Variants in SRBD1 observed in about 807,000 individuals in gnomAD.
SRBD1 encodes S1 RNA-binding domain-containing protein 1.
A neutral mutation model predicts 115.3 loss-of-function variants in SRBD1; 88 were observed. The observed-to-expected ratio is 0.76, with a 90% CI of 0.64 to 0.91. The LOEUF (loss-of-function observed/expected upper bound fraction) is 0.91, where lower values mean the gene tolerates loss of function less well. SRBD1 is among the 40% of genes least tolerant of loss of function. The pLI, the probability that SRBD1 is intolerant of heterozygous loss-of-function variation, is 0.00. For missense variants in SRBD1, 1,385 were observed against 1,177.4 expected (o/e 1.18, Z -2.58); for synonymous variants, 509 against 407.7 (o/e 1.25, Z -2.99).
At chr2:45,567,410 G>C (rs1280593223) in intron 9 of SRBD1, among the ~76,000 whole-genome samples, 1 of 152,072 alleles carries the variant, frequency 6.6e-6, no homozygotes, top group Non-Finnish European at 1.5e-5. Flanking sequence ...AGGAGTTCAA[G>C]ATGAGCCTGG....
chr2:45,391,759 A>G (rs1425343440), intron 20 of SRBD1, among the ~76,000 whole-genome samples: 1 of 152,174 alleles, frequency 6.6e-6, no homozygotes, highest in Non-Finnish European at 1.5e-5. Flanking sequence ...TTGAGTGTTG[A>G]TCTTTGCTCT....
At chr2:45,453,055 C>T (rs979853035) in intron 16 of SRBD1, among the ~76,000 whole-genome samples, 3 of 151,792 alleles carry the variant, frequency 2.0e-5, no homozygotes, top group African/African-American at 4.8e-5. Context: ...AGGATTAAAA[C>T]CTCACCGAAT....
Position 45,454,281 on chromosome 2 carries a change from C to G in SRBD1, c.2049+22712G>C, listed in dbSNP as rs187548288. On this transcript the variant is annotated intron_variant, in intron 16 of 20. Coordinates refer to ENST00000263736, the MANE Select transcript of SRBD1 (RefSeq NM_018079.5). ...TGAGATAATGACTGGGAGCATGATTCACTTTGAAAGACCTGGGAGAGTTTT... is the reference window on the plus strand; with the variant it reads ...TGAGATAATGACTGGGAGCATGATTGACTTTGAAAGACCTGGGAGAGTTTT... 4.8e-3 allele frequency among the ~76,000 whole-genome samples: 735 copies of G among 151,930 alleles called. 10 individuals carry two copies. Among genetic ancestry groups the G allele is most frequent in the African/African-American group, 0.017 (689 of 41,490 alleles).
chr2:45,456,584 A>G (rs139690538), intron 16 of SRBD1, among the ~76,000 whole-genome samples: 55 of 152,068 alleles, frequency 3.6e-4, no homozygotes, highest in African/African-American at 1.2e-3. Context: ...GTAAAGTTTG[A>G]GTATAATTTT....
At chr2:45,551,087 C>T in intron 12 of SRBD1, 38 bp downstream of exon 12, 1 of 1,558,810 alleles carries the variant, frequency 6.4e-7, no homozygotes. Flanking sequence ...TATAACCAAC[C>T]AAACAACTTT....
At chr2:45,491,311 A>T (rs1670285556) in intron 14 of SRBD1, among the ~76,000 whole-genome samples, 1 of 152,194 alleles carries the variant, frequency 6.6e-6, no homozygotes, top group Non-Finnish European at 1.5e-5. Context: ...ATATCTAACG[A>T]TTTAATATTA....
intron 12 of SRBD1, among the ~76,000 whole-genome samples, chr2:45,550,745 G>GA (rs745568242): frequency 2.6e-5 from 4 of 151,734 alleles, no homozygotes; most frequent in African/African-American, 7.3e-5. Context: ...AAGTAAACAG[G>GA]AAAAAAAATT....
intron 11 of SRBD1, among the ~76,000 whole-genome samples, chr2:45,552,322 A>T (rs1455885808): frequency 6.6e-6 from 1 of 152,194 alleles, no homozygotes; most frequent in Non-Finnish European, 1.5e-5. Context: ...TTATAAACTG[A>T]AATAAGTTAT....
At chr2:45,513,761 TG>T (rs1671040620) in intron 14 of SRBD1, among the ~76,000 whole-genome samples, 1 of 150,108 alleles carries the variant, frequency 6.7e-6, no homozygotes, top group Non-Finnish European at 1.5e-5. Flanking sequence ...TTAATCTGAA[TG>T]TAAATTCGGT....
At chr2:45,607,842 C>A (rs1427928381) in intron 1 of SRBD1, among the ~76,000 whole-genome samples, 1 of 152,196 alleles carries the variant, frequency 6.6e-6, no homozygotes, top group Admixed American at 6.5e-5. Flanking sequence ...ACCATACAGA[C>A]TGAATGCTAA....
At chr2:45,546,906 G>C in intron 13 of SRBD1, 67 bp from the exon 14 acceptor site, 1 of 1,418,660 alleles carries the variant, frequency 7.0e-7, no homozygotes, top group African/African-American at 1.4e-5. Flanking sequence ...TGGAGAAAAT[G>C]TACAGAATGC....
At chr2:45,544,430 G>A (rs1334325454) in intron 14 of SRBD1, among the ~76,000 whole-genome samples, 1 of 152,134 alleles carries the variant, frequency 6.6e-6, no homozygotes, top group Admixed American at 6.5e-5. Context: ...AGCTAAAAGA[G>A]GATTAAAACT....
chr2:45,489,723 C>T (rs575595813), intron 14 of SRBD1, among the ~76,000 whole-genome samples: 28 of 152,128 alleles, frequency 1.8e-4, no homozygotes, highest in African/African-American at 6.5e-4. Flanking sequence ...AAGTAGTATG[C>T]CCAAGATCAT....
At chr2:45,605,196 CAG>C (rs1427388235) in intron 2 of SRBD1, among the ~76,000 whole-genome samples, 164 bp downstream of exon 2, 2 of 152,200 alleles carry the variant, frequency 1.3e-5, no homozygotes, top group African/African-American at 2.4e-5. Context: ...CAACACTAGA[CAG>C]AACCTGGAAC....
At position 45,419,878 on chromosome 2, in the gene SRBD1, G is replaced by C. The variant is rs1205006435; in HGVS notation, c.2066C>G (p.Thr689Ser). Residue 689 changes from threonine (T) to serine (S), a missense_variant, in exon 17 of 21, where the codon ACT (threonine) becomes AGT (serine). By Grantham distance (58) the Thr-to-Ser change is moderately conservative. Transcript: ENST00000263736. Reference sequence around the variant, plus strand: ...ACTGTCCAGTGTTGCCTTGAGTAAAGTCTGGGATACGTCATGCTGAAAAGA... The same window carrying C: ...ACTGTCCAGTGTTGCCTTGAGTAAACTCTGGGATACGTCATGCTGAAAAGA... ...VGMYQHDVSQ[T>S]LLKATLDSVV... is the part of the protein sequence containing the mutation. 1.2e-6 allele frequency: 2 copies of C among 1,613,200 alleles called. No individual in the cohort carries two copies. The highest frequency in any genetic ancestry group is 1.7e-6 in the Non-Finnish European group (2 of 1,179,756).
chr2:45,554,716 GA>G (rs1167675305), intron 10 of SRBD1, among the ~76,000 whole-genome samples: 1 of 152,114 alleles, frequency 6.6e-6, no homozygotes, highest in Non-Finnish European at 1.5e-5. Context: ...AGGAGGGCTA[GA>G]AATGAAAATA....
intron 14 of SRBD1, among the ~76,000 whole-genome samples, chr2:45,488,795 C>CA (rs1670201495): frequency 6.6e-6 from 1 of 150,600 alleles, no homozygotes; most frequent in African/African-American, 2.4e-5. Flanking sequence ...TGCAGACATA[C>CA]AAAAAAACCA....
At chr2:45,474,698 A>G (rs1388616001) in intron 16 of SRBD1, among the ~76,000 whole-genome samples, 1 of 152,144 alleles carries the variant, frequency 6.6e-6, no homozygotes, top group Non-Finnish European at 1.5e-5. Flanking sequence ...AATGATCTGT[A>G]TATGTTTTGA....
At chr2:45,424,350 TATTAAG>T (rs1269927566) in intron 16 of SRBD1, among the ~76,000 whole-genome samples, 1 of 149,332 alleles carries the variant, frequency 6.7e-6, no homozygotes, top group East Asian at 1.9e-4. Context: ...AATAAATTAT[TATTAAG>T]ATTATTTTGC....
Sources: allele counts gnomAD v4.1 joint callset (sites outside exome capture counted in the v4.1 genomes callset), GRCh38; gene constraint gnomAD v4.1.1; transcripts MANE v1.5; gene names NCBI Gene and HGNC (gene_info 2026-07-23, HGNC 2026-07-21).